Variants in PCDH15 observed in about 807,000 individuals in gnomAD.
The protein encoded by PCDH15 is protocadherin-15.
In PCDH15, 129 loss-of-function variants were observed where a neutral mutation model predicts 178.5. The ratio of observed to expected loss-of-function variants is 0.72; its 90% CI spans 0.63 to 0.84. The LOEUF is 0.84. Ranked by LOEUF, PCDH15 falls within the 40% of genes least tolerant of loss-of-function variation. The probability of loss-of-function intolerance (pLI) is 0.00; values close to 1 mark genes in which losing one functional copy is unlikely to be tolerated. For synonymous variants in PCDH15, 800 were observed against 732.0 expected (o/e 1.09, Z -1.50); for missense variants, 2,230 against 2,099.9 (o/e 1.06, Z -1.21).
chr10:53,840,843 C>A (rs756320004), intron 28 of PCDH15, among the ~76,000 whole-genome samples: 2 of 152,154 alleles, frequency 1.3e-5, no homozygotes, highest in Admixed American at 6.5e-5. Context: ...GGTCTTAGAA[C>A]CCTTGACTTC....
intron 2 of PCDH15, among the ~76,000 whole-genome samples, chr10:54,630,144 T>A (rs546310599): frequency 6.6e-6 from 1 of 152,164 alleles, no homozygotes; most frequent in East Asian, 1.9e-4. Flanking sequence ...ACTACGTTTT[T>A]CCCAGAACTA....
intron 17 of PCDH15, among the ~76,000 whole-genome samples, chr10:54,068,885 A>G (rs1023543608): frequency 2.5e-4 from 38 of 152,276 alleles, no homozygotes; most frequent in African/African-American, 8.7e-4. Flanking sequence ...TAAAAGATGC[A>G]CACACACAAA....
intron 32 of PCDH15, among the ~76,000 whole-genome samples, chr10:53,826,323 C>T (rs781239195): frequency 2.8e-4 from 43 of 151,896 alleles, no homozygotes; most frequent in Non-Finnish European, 5.2e-4. Context: ...TACGACTATC[C>T]TAAACAAAAC....
intron 1 of PCDH15, among the ~76,000 whole-genome samples, chr10:54,787,709 C>T (rs1469286252): frequency 2.6e-5 from 4 of 151,888 alleles, no homozygotes; most frequent in African/African-American, 9.7e-5. Flanking sequence ...AACCTCAGGG[C>T]TCAAAGCTGC....
intron 3 of PCDH15, among the ~76,000 whole-genome samples, chr10:54,400,684 A>G (rs7917490): frequency 0.026 from 3,989 of 152,170 alleles, 169 homozygotes; most frequent in African/African-American, 0.089. Flanking sequence ...AGTGACAGTT[A>G]ATCGAAAATT....
In PCDH15 at chr10:54,761,013, G is replaced by A. The variant is rs540910042; in HGVS notation, c.-29+39912C>T. On this transcript the variant is annotated intron_variant, in intron 1 of 37. Coordinates refer to ENST00000644397, the MANE Select transcript of PCDH15 (RefSeq NM_001384140.1). Reference sequence around the variant, plus strand: ...CGAATCAATATAACTGGTAGTTTAAGTCACTGGTAGTTCAAAGAAAGACCA... The same window carrying A: ...CGAATCAATATAACTGGTAGTTTAAATCACTGGTAGTTCAAAGAAAGACCA... 6.7e-4 allele frequency among the ~76,000 whole-genome samples: 102 copies of A among 152,078 alleles called. 1 individual carries two copies. The highest frequency in any genetic ancestry group is 2.4e-3 in the African/African-American group (99 of 41,462).
At position 54,055,671 on chromosome 10, in the gene PCDH15, C is replaced by T. The variant is rs767260288; in HGVS notation, c.2220+11086G>A. On this transcript the variant is annotated intron_variant, in intron 18 of 37. Transcript: ENST00000644397. ...GCCTTCCTACCTCCACTTCCCTCCC[C>T]CCTCAACCTCCATCCACCCATGTCT... Among the ~76,000 whole-genome samples the T allele has an allele frequency of 4.8e-4, 73 of 152,290 alleles. 2 individuals are homozygous for T. In the Middle Eastern group the frequency reaches 0.021, roughly 43 times the overall value.
chr10:54,059,634 T>C (rs1156598034), intron 18 of PCDH15, among the ~76,000 whole-genome samples: 1 of 152,216 alleles, frequency 6.6e-6, no homozygotes, highest in African/African-American at 2.4e-5. Context: ...CTCTGTGGTA[T>C]AGAGTATAGC....
intron 25 of PCDH15, among the ~76,000 whole-genome samples, chr10:53,933,920 G>C (rs1012362792): frequency 6.7e-6 from 1 of 148,456 alleles, no homozygotes; most frequent in Non-Finnish European, 1.5e-5. Flanking sequence ...TTCTCTGATG[G>C]CCAGTGATGA....
intron 8 of PCDH15, among the ~76,000 whole-genome samples, chr10:54,258,192 A>C (rs2132235825): frequency 6.6e-6 from 1 of 152,268 alleles, no homozygotes; most frequent in East Asian, 1.9e-4. Flanking sequence ...GTATAGCCAA[A>C]GGGAAGCTGA....
intron 1 of PCDH15, among the ~76,000 whole-genome samples, chr10:54,740,078 T>C (rs11004526): frequency 6.6e-6 from 1 of 151,668 alleles, no homozygotes; most frequent in Non-Finnish European, 1.5e-5. Context: ...AAGAAAGCAA[T>C]CAACAAAGTG....
chr10:53,984,846 A>G (rs1241956965), intron 21 of PCDH15, among the ~76,000 whole-genome samples: 1 of 152,160 alleles, frequency 6.6e-6, no homozygotes, highest in East Asian at 1.9e-4. Flanking sequence ...TTTAGCAAAT[A>G]TCCCCTCCCC....
At chr10:54,411,996 C>CACT (rs1953598135) in intron 3 of PCDH15, among the ~76,000 whole-genome samples, 1 of 151,996 alleles carries the variant, frequency 6.6e-6, no homozygotes, top group Non-Finnish European at 1.5e-5. Flanking sequence ...GTAGTTTATT[C>CACT]ACTACTTAGG....
At chr10:54,556,578 C>CTT (rs768469030) in intron 2 of PCDH15, among the ~76,000 whole-genome samples, 1 of 141,466 alleles carries the variant, frequency 7.1e-6, no homozygotes, top group East Asian at 2.0e-4. Context: ...TTACAAAACA[C>CTT]TTTTTTTTTT....
At chr10:55,482,936 C>T (rs898662350) in intron 2 of PCDH15, among the ~76,000 whole-genome samples, 1 of 151,666 alleles carries the variant, frequency 6.6e-6, no homozygotes, top group African/African-American at 2.4e-5. Context: ...TCCATTCTTC[C>T]CATCTCTTTC....
At chr10:54,766,790 G>A (rs1393937625) in intron 1 of PCDH15, among the ~76,000 whole-genome samples, 4 of 151,938 alleles carry the variant, frequency 2.6e-5, no homozygotes, top group Non-Finnish European at 5.9e-5. Flanking sequence ...TTAGCCAGGC[G>A]CGGTGGCAGG....
intron 8 of PCDH15, among the ~76,000 whole-genome samples, chr10:54,293,077 C>G (rs567456569): frequency 6.6e-6 from 1 of 152,272 alleles, no homozygotes; most frequent in Non-Finnish European, 1.5e-5. Flanking sequence ...TACCACAAAG[C>G]TACAGTAACC....
intron 2 of PCDH15, among the ~76,000 whole-genome samples, chr10:55,099,316 A>C (rs954325056): frequency 3.9e-5 from 6 of 152,132 alleles, no homozygotes; most frequent in African/African-American, 1.4e-4. Flanking sequence ...TAATGTAAAG[A>C]TATAGAAATT....
chr10:54,620,765 T>C (rs2093327450), intron 2 of PCDH15, among the ~76,000 whole-genome samples: 1 of 152,172 alleles, frequency 6.6e-6, no homozygotes, highest in Admixed American at 6.6e-5. Flanking sequence ...TATTTTGCAA[T>C]AGAATTGCAA....
Sources: gnomAD v4.1 joint callset for allele counts (sites outside exome capture counted in the v4.1 genomes callset) on GRCh38, gnomAD v4.1.1 for gene constraint, MANE v1.5 for transcripts, NCBI Gene and HGNC (gene_info 2026-07-23, HGNC 2026-07-21) for gene names.